Variants in PRKCA observed in about 807,000 individuals in gnomAD.
PRKCA encodes protein kinase C alpha type.
Under a neutral mutation model 87.0 loss-of-function variants are expected in PRKCA, and 27 were observed. The observed-to-expected ratio is 0.31, with a 90% CI of 0.23 to 0.43. The LOEUF is 0.43. Among genes scored for constraint, PRKCA ranks in the 20% least tolerant of loss-of-function variants. The pLI is 1.00. For missense variants in PRKCA, 518 were observed against 852.3 expected, an observed-to-expected ratio of 0.61 and a Z score of 4.88; for synonymous variants, 329 against 311.1, an observed-to-expected ratio of 1.06 and a Z score of -0.61.
intron 1 of PRKCA, among the ~76,000 whole-genome samples, chr17:66,304,344 TA>T (rs1904683070): frequency 1.3e-5 from 2 of 152,344 alleles, no homozygotes; most frequent in African/African-American, 4.8e-5. Context: ...AAGCTGGAAC[TA>T]AAGGAGCTCT....
intron 2 of PRKCA, among the ~76,000 whole-genome samples, chr17:66,452,653 G>C (rs1338593794): frequency 6.6e-6 from 1 of 152,150 alleles, no homozygotes; most frequent in Non-Finnish European, 1.5e-5. Flanking sequence ...ACCCACCAGT[G>C]GGTTCCAGAA....
intron 2 of PRKCA, among the ~76,000 whole-genome samples, chr17:66,475,258 A>G (rs1915490544): frequency 6.6e-6 from 1 of 152,090 alleles, no homozygotes; most frequent in South Asian, 2.1e-4. Flanking sequence ...GATTTGTTGT[A>G]TGGAACTCTC....
intron 3 of PRKCA, among the ~76,000 whole-genome samples, chr17:66,624,174 A>C (rs777870497): frequency 6.6e-6 from 1 of 151,874 alleles, no homozygotes; most frequent in Non-Finnish European, 1.5e-5. Context: ...CTGAAGAGTT[A>C]ATCTGACTGG....
chr17:66,319,136 C>T (rs1258112950), intron 2 of PRKCA, among the ~76,000 whole-genome samples: 1 of 151,966 alleles, frequency 6.6e-6, no homozygotes, highest in African/African-American at 2.4e-5. Flanking sequence ...CCCTCCACCC[C>T]CACCCAAAAA....
chr17:66,671,839 A>G (rs1598861373), intron 5 of PRKCA, among the ~76,000 whole-genome samples: 2 of 152,342 alleles, frequency 1.3e-5, no homozygotes, highest in African/African-American at 4.8e-5. Flanking sequence ...AAGTTGAAGA[A>G]GATAAAATAC....
At chr17:66,525,251 CCTGCAG>C in intron 3 of PRKCA, among the ~76,000 whole-genome samples, 1 of 152,302 alleles carries the variant, frequency 6.6e-6, no homozygotes, top group African/African-American at 2.4e-5. Flanking sequence ...CCATCAGGCA[CCTGCAG>C]CTGCATGAGC....
chr17:66,612,510 G>C (rs1159656140), intron 3 of PRKCA, among the ~76,000 whole-genome samples: 1 of 151,864 alleles, frequency 6.6e-6, no homozygotes, highest in Non-Finnish European at 1.5e-5. Context: ...GGTAGTGGAA[G>C]AAACCTGACA....
At chr17:66,306,934 G>A (rs377112938) in intron 2 of PRKCA, among the ~76,000 whole-genome samples, 1 of 151,976 alleles carries the variant, frequency 6.6e-6, no homozygotes, top group Non-Finnish European at 1.5e-5. Flanking sequence ...TTTCCCATCT[G>A]GGCATAGATT....
intron 3 of PRKCA, among the ~76,000 whole-genome samples, chr17:66,594,868 C>G (rs1475584961): frequency 6.6e-6 from 1 of 152,174 alleles, no homozygotes; most frequent in Non-Finnish European, 1.5e-5. Context: ...TATATATACT[C>G]TCACTGAGGG....
chr17:66,476,152 G>T (rs1199783431), intron 2 of PRKCA, among the ~76,000 whole-genome samples: 4 of 152,010 alleles, frequency 2.6e-5, no homozygotes, highest in Non-Finnish European at 5.9e-5. Context: ...CGCCTGCCTC[G>T]GCCTCCCACA....
chr17:66,746,897 C>G (rs1459537085), intron 13 of PRKCA, among the ~76,000 whole-genome samples: 1 of 152,142 alleles, frequency 6.6e-6, no homozygotes, highest in African/African-American at 2.4e-5. Flanking sequence ...GATCCAGTCA[C>G]AAGTCAAGTA....
At chr17:66,502,229 C>A (rs73336538) in intron 3 of PRKCA, among the ~76,000 whole-genome samples, 8,295 of 152,026 alleles carry the variant, frequency 0.055, 753 homozygotes, top group African/African-American at 0.19. Context: ...CACATTAAGC[C>A]CTTTTTAATT....
intron 3 of PRKCA, among the ~76,000 whole-genome samples, chr17:66,535,628 C>G (rs1418481067): frequency 6.6e-6 from 1 of 152,194 alleles, no homozygotes; most frequent in African/African-American, 2.4e-5. Flanking sequence ...ACGACCAGAG[C>G]CTGAGACCTT....
chr17:66,671,716 C>A (rs1340251000), intron 5 of PRKCA, among the ~76,000 whole-genome samples: 1 of 152,186 alleles, frequency 6.6e-6, no homozygotes, highest in Non-Finnish European at 1.5e-5. Context: ...TGCCCCAAGT[C>A]AGGAAACTCT....
At position 66,512,606 on chromosome 17, in the gene PRKCA, CG is replaced by C. The variant is rs532599063; in HGVS notation, c.288+16325del. Among the ~76,000 whole-genome samples, 75 of 152,200 alleles carry C rather than the reference CG, an allele frequency of 4.9e-4. 1 individual carries two copies. The South Asian group carries it at 0.015, about 30-fold the overall frequency. On this transcript the variant is annotated intron_variant, in intron 3 of 16. Transcript: ENST00000413366. ...GGCACCCCAGGGCTGCTGCCCTGGG[CG>C]GTTCCTCTTTGTAGAACTAATCTTC...
chr17:66,700,139 C>T (rs1195285337), intron 8 of PRKCA, among the ~76,000 whole-genome samples: 1 of 152,148 alleles, frequency 6.6e-6, no homozygotes, highest in Non-Finnish European at 1.5e-5. Context: ...TCCTGTGATA[C>T]AAGGATGGTT....
chr17:66,403,604 G>A (rs1030065932), intron 2 of PRKCA: 1 of 152,090 alleles, frequency 6.6e-6, no homozygotes, highest in African/African-American at 2.4e-5. Context: ...GTTTTTTTCA[G>A]GTATGAATAC....
chr17:66,761,368 CAA>C (rs796715547), intron 13 of PRKCA, among the ~76,000 whole-genome samples: 4 of 134,240 alleles, frequency 3.0e-5, no homozygotes, highest in Non-Finnish European at 1.6e-5. Flanking sequence ...GACTCCGTCT[CAA>C]AAAAAAAAAA....
intron 3 of PRKCA, among the ~76,000 whole-genome samples, chr17:66,550,290 A>G (rs1380161484): frequency 6.6e-6 from 1 of 151,842 alleles, no homozygotes; most frequent in Non-Finnish European, 1.5e-5. Context: ...CCTTGGGGAA[A>G]ACGTGCCAAG....
Sources: gnomAD v4.1 joint callset for allele counts (sites outside exome capture counted in the v4.1 genomes callset) on GRCh38, gnomAD v4.1.1 for gene constraint, MANE v1.5 for transcripts, NCBI Gene and HGNC (gene_info 2026-07-23, HGNC 2026-07-21) for gene names.